TMEM117: variants seen among roughly 807,000 people sequenced by gnomAD.
TMEM117 encodes transmembrane protein 117.
TMEM117 carries 27 observed loss-of-function variants against 52.4 expected under a neutral mutation model. The observed-to-expected ratio is 0.51, with a 90% CI of 0.38 to 0.71. TMEM117 has a LOEUF of 0.71. TMEM117 is among the 30% of genes least tolerant of loss of function. The pLI is 0.00. For synonymous variants in TMEM117, 215 were observed against 206.3 expected (o/e 1.04, Z -0.36); for missense variants, 556 against 630.5 (o/e 0.88, Z 1.26).
At chr12:43,889,196 C>T (rs1275209028) in intron 2 of TMEM117, among the ~76,000 whole-genome samples, 2 of 151,952 alleles carry the variant, frequency 1.3e-5, no homozygotes, top group African/African-American at 4.8e-5. Flanking sequence ...AATTCTCCTG[C>T]CTCAGCCTCA....
intron 5 of TMEM117, among the ~76,000 whole-genome samples, chr12:44,260,086 G>A (rs61628384): frequency 0.02 from 2,993 of 152,282 alleles, 88 homozygotes; most frequent in African/African-American, 0.068. Context: ...CCAGGCCAAC[G>A]TAGGGACCGA....
intron 6 of TMEM117, among the ~76,000 whole-genome samples, chr12:44,341,368 G>A (rs901812842): frequency 6.6e-6 from 1 of 151,990 alleles, no homozygotes; most frequent in African/African-American, 2.4e-5. Flanking sequence ...AGGATCTGTG[G>A]TATTTCCCTG....
chr12:44,086,961 A>T (rs923378537), intron 3 of TMEM117, among the ~76,000 whole-genome samples: 14 of 147,444 alleles, frequency 9.5e-5, no homozygotes, highest in African/African-American at 1.7e-4. Context: ...ATATATAATT[A>T]ATAATTATAA....
intron 6 of TMEM117, among the ~76,000 whole-genome samples, chr12:44,368,536 G>C (rs1253293904): frequency 2.0e-5 from 3 of 151,914 alleles, no homozygotes; most frequent in African/African-American, 7.3e-5. Flanking sequence ...GGAGAAAAAT[G>C]ACCTCAATAT....
intron 2 of TMEM117, among the ~76,000 whole-genome samples, chr12:43,845,450 G>A (rs1399811206): frequency 8.6e-5 from 9 of 104,606 alleles, no homozygotes; most frequent in East Asian, 2.7e-4. Flanking sequence ...GACACAGCGC[G>A]ACTCCATCTC....
At chr12:44,128,987 A>G (rs1948371376) in intron 3 of TMEM117, among the ~76,000 whole-genome samples, 1 of 152,160 alleles carries the variant, frequency 6.6e-6, no homozygotes, top group Non-Finnish European at 1.5e-5. Flanking sequence ...TGTTTTTCAA[A>G]TACCAGCTAT....
intron 6 of TMEM117, among the ~76,000 whole-genome samples, chr12:44,357,095 C>T (rs1347869669): frequency 2.0e-5 from 3 of 152,112 alleles, no homozygotes; most frequent in African/African-American, 7.2e-5. Flanking sequence ...CACATTTGTT[C>T]GTATGCAGAA....
At chr12:44,002,231 C>G (rs150292551) in intron 3 of TMEM117, among the ~76,000 whole-genome samples, 1 of 152,158 alleles carries the variant, frequency 6.6e-6, no homozygotes, top group Non-Finnish European at 1.5e-5. Context: ...GGTTTTTACA[C>G]TCTTGTCACT....
At chr12:44,097,030 C>A (rs1005796116) in intron 3 of TMEM117, among the ~76,000 whole-genome samples, 16 of 152,206 alleles carry the variant, frequency 1.1e-4, no homozygotes, top group Admixed American at 6.5e-4. Flanking sequence ...AAAAAACAAA[C>A]AACCTCATCA....
chr12:44,010,282 C>T, intron 3 of TMEM117: 1 of 454,972 alleles, frequency 2.2e-6, no homozygotes, highest in South Asian at 1.6e-5. Flanking sequence ...GCTCTGGCTT[C>T]CCTGGAGGCC....
At chr12:43,865,189 C>G (rs146628438) in intron 2 of TMEM117, among the ~76,000 whole-genome samples, 2 of 152,112 alleles carry the variant, frequency 1.3e-5, no homozygotes, top group African/African-American at 4.8e-5. Flanking sequence ...CCACCAATTC[C>G]GACACAGTGG....
At chr12:44,266,812 T>G (rs1281859441) in intron 5 of TMEM117, among the ~76,000 whole-genome samples, 1 of 152,282 alleles carries the variant, frequency 6.6e-6, no homozygotes, top group East Asian at 1.9e-4. Flanking sequence ...AGTATCTAAC[T>G]TCATTATTTT....
chr12:44,044,065 T>C (rs1435268827), intron 3 of TMEM117, among the ~76,000 whole-genome samples: 1 of 152,186 alleles, frequency 6.6e-6, no homozygotes, highest in Non-Finnish European at 1.5e-5. Context: ...CTTAGGGAGA[T>C]TGGGATGGTG....
At chr12:44,301,534 C>T (rs970538440) in intron 6 of TMEM117, among the ~76,000 whole-genome samples, 1 of 152,090 alleles carries the variant, frequency 6.6e-6, no homozygotes, top group Admixed American at 6.6e-5. Flanking sequence ...TAGCAATAAC[C>T]CGGCCAAGCT....
chr12:43,922,382 A>C (rs1032683734), intron 2 of TMEM117, among the ~76,000 whole-genome samples: 3 of 152,312 alleles, frequency 2.0e-5, no homozygotes, highest in Admixed American at 1.3e-4. Context: ...AAGAAAGGAG[A>C]ATGTTATATG....
intron 5 of TMEM117, among the ~76,000 whole-genome samples, chr12:44,257,503 C>T (rs1342093208): frequency 6.6e-6 from 1 of 152,110 alleles, no homozygotes; most frequent in Non-Finnish European, 1.5e-5. Flanking sequence ...GTTGTGTCTT[C>T]AAAGGACTGG....
chr12:44,311,775 ATG>A (rs58888409), intron 6 of TMEM117, among the ~76,000 whole-genome samples: 5,823 of 118,178 alleles, frequency 0.049, 345 homozygotes, highest in African/African-American at 0.13. Flanking sequence ...ATATGTATAT[ATG>A]TGTATATATG....
chr12:44,103,409 T>C (rs1338070659), intron 3 of TMEM117, among the ~76,000 whole-genome samples: 3 of 151,986 alleles, frequency 2.0e-5, no homozygotes, highest in African/African-American at 7.2e-5. Flanking sequence ...CTTTGAGGTA[T>C]ATATTTGTAG....
intron 5 of TMEM117, among the ~76,000 whole-genome samples, chr12:44,264,909 A>T (rs768952862): frequency 6.6e-6 from 1 of 152,190 alleles, no homozygotes; most frequent in Non-Finnish European, 1.5e-5. Flanking sequence ...CAACAACCTT[A>T]TGAATTATGT....
Sources: gnomAD v4.1 joint callset for allele counts (sites outside exome capture counted in the v4.1 genomes callset) on GRCh38, gnomAD v4.1.1 for gene constraint, MANE v1.5 for transcripts, NCBI Gene and HGNC (gene_info 2026-07-23, HGNC 2026-07-21) for gene names.